Variants in PROCR observed in about 807,000 individuals in gnomAD.
PROCR encodes endothelial protein C receptor.
A neutral mutation model predicts 24.2 loss-of-function variants in PROCR; 22 were observed. The observed-to-expected ratio is 0.91, with a 90% CI of 0.65 to 1.30. The LOEUF (loss-of-function observed/expected upper bound fraction) is 1.30. Among genes scored for constraint, PROCR ranks in the 50% most tolerant of loss-of-function variants. The pLI, the probability that PROCR is intolerant of heterozygous loss-of-function variation, is 0.00. For synonymous variants in PROCR, 137 were observed against 139.2 expected, an observed-to-expected ratio of 0.98 and a Z score of 0.11; for missense variants, 288 against 307.7, an observed-to-expected ratio of 0.94 and a Z score of 0.48.
intron 1 of PROCR, among the ~76,000 whole-genome samples, chr20:35,199,944 T>C (rs1462857306): frequency 6.6e-6 from 1 of 152,126 alleles, no homozygotes; most frequent in African/African-American, 2.4e-5. Flanking sequence ...ATTCCAACCC[T>C]CATGAATGAC....
At chr20:35,194,502 T>G (rs1300657370) in intron 1 of PROCR, among the ~76,000 whole-genome samples, 2 of 152,058 alleles carry the variant, frequency 1.3e-5, no homozygotes, top group African/African-American at 4.8e-5. Flanking sequence ...GAGGTTAGAC[T>G]CCAAGGCACA....
intron 1 of PROCR, 177 bp from the exon 2 acceptor site, chr20:35,174,525 C>T (rs2085985696): frequency 1.3e-6 from 1 of 777,020 alleles, no homozygotes; most frequent in African/African-American, 1.7e-5. Flanking sequence ...AATCCCTGTC[C>T]TGTCCTCCTG....
In PROCR at chr20:35,174,754, C is replaced by G. The variant is rs756372458; in HGVS notation, c.123C>G (p.His41Gln). ...TCTCCTACTTCCGCGACCCCTATCA[C>G]GTGTGGTACCAGGGCAACGCGTCGC... ...LQISYFRDPY[H>Q]VWYQGNASLG... is the part of the protein sequence containing the mutation. The change falls in exon 2 of 4, where the codon CAC (histidine) becomes CAG (glutamine). Residue 41 changes from histidine (H) to glutamine (Q), a missense_variant. His to Gln is a conservative substitution (Grantham distance 24). Transcript: ENST00000216968. 3 of 1,614,126 alleles carry G rather than the reference C, an allele frequency of 1.9e-6. No homozygotes were observed. The East Asian group carries it at 6.7e-5, about 36-fold the overall frequency.
At chr20:35,194,017 T>C (rs1306313721) in intron 1 of PROCR, among the ~76,000 whole-genome samples, 1 of 152,098 alleles carries the variant, frequency 6.6e-6, no homozygotes, top group Admixed American at 6.6e-5. Flanking sequence ...GAGAGTGGAA[T>C]CTCAGAAGCC....
intron 2 of PROCR, among the ~76,000 whole-genome samples, chr20:35,175,331 C>A (rs572016938): frequency 6.8e-6 from 1 of 147,578 alleles, no homozygotes; most frequent in Non-Finnish European, 1.5e-5. Context: ...CACTTCACCC[C>A]CCACCCTCCA....
intron 1 of PROCR, among the ~76,000 whole-genome samples, chr20:35,190,768 G>A (rs2086166712): frequency 6.6e-6 from 1 of 152,146 alleles, no homozygotes; most frequent in Admixed American, 6.5e-5. Flanking sequence ...CCTGTTACTG[G>A]AAGTATTTGG....
intron 1 of PROCR, among the ~76,000 whole-genome samples, chr20:35,185,536 G>T (rs1280760895): frequency 6.6e-6 from 1 of 152,132 alleles, no homozygotes; most frequent in Non-Finnish European, 1.5e-5. Flanking sequence ...ATATATATAT[G>T]ATGGAGTACT....
intron 2 of PROCR, among the ~76,000 whole-genome samples, chr20:35,175,897 C>G (rs1467301443): frequency 4.7e-5 from 7 of 149,270 alleles, no homozygotes; most frequent in African/African-American, 1.2e-4. Flanking sequence ...GCCTCACCCC[C>G]TGTTTTTTTT....
chr20:35,185,384 G>C (rs879934413), intron 1 of PROCR, among the ~76,000 whole-genome samples: 1 of 152,076 alleles, frequency 6.6e-6, no homozygotes, highest in South Asian at 2.1e-4. Context: ...CCCACTACTG[G>C]GTATCTACCC....
At chr20:35,175,269 T>G (rs1043576060) in intron 2 of PROCR, among the ~76,000 whole-genome samples, 1 of 151,356 alleles carries the variant, frequency 6.6e-6, no homozygotes, top group Non-Finnish European at 1.5e-5. Flanking sequence ...CTCACAGTCC[T>G]CCAACTCCTT....
chr20:35,214,907 C>CTTTTTTT (rs71198708), intron 1 of PROCR, among the ~76,000 whole-genome samples: 59 of 119,470 alleles, frequency 4.9e-4, no homozygotes, highest in Non-Finnish European at 6.2e-4. Flanking sequence ...TTTTCTTTTT[C>CTTTTTTT]TTTTTTTTTT....
At chr20:35,199,852 A>G (rs765092890) in intron 1 of PROCR, among the ~76,000 whole-genome samples, 17 of 152,162 alleles carry the variant, frequency 1.1e-4, no homozygotes, top group Non-Finnish European at 1.9e-4. Context: ...ATGATTCACC[A>G]TTCTAAATGT....
intron 1 of PROCR, chr20:35,195,330 G>A (rs562845345): frequency 6.6e-6 from 1 of 152,234 alleles, no homozygotes; most frequent in South Asian, 2.1e-4. Flanking sequence ...CATCCTGAAT[G>A]CACCTAATCT....
At chr20:35,171,978 TAGAAATAACACTTTATA>T, upstream of PROCR, 2 of 673,908 alleles carry the variant, frequency 3.0e-6, no homozygotes, top group Non-Finnish European at 5.4e-6. Flanking sequence ...TGAGACACAG[TAGAAATAACACTTTATA>T]AGCCTCTTCC....
At position 35,205,907 on chromosome 20, in the gene PROCR, TC is replaced by T. The variant is rs550750821; in HGVS notation, c.95-9977del. Among the ~76,000 whole-genome samples, 686 of 140,216 alleles carry T rather than the reference TC, an allele frequency of 4.9e-3. 3 individuals are homozygous for T. The highest frequency in any genetic ancestry group is 0.016 in the African/African-American group (616 of 37,490). 92.0% of individuals were successfully genotyped at this position (140,216 alleles called of 152,430 possible). On this transcript the variant is annotated intron_variant, in intron 1 of 1. Transcript: ENST00000634509. ...TATATATGTGTATGACCTCCGGTGA[TC>T]CCCCCCCCAACCTCGGCCTCCCAAA...
At chr20:35,174,548 T>G in intron 1 of PROCR, 154 bp from the exon 2 acceptor site, 2 of 907,860 alleles carry the variant, frequency 2.2e-6, no homozygotes, top group Non-Finnish European at 3.5e-6. Context: ...AGAGTTACTG[T>G]CAGCGTCAAA....
chr20:35,200,680 G>T (rs770989281), intron 1 of PROCR, among the ~76,000 whole-genome samples: 6 of 151,986 alleles, frequency 3.9e-5, no homozygotes, highest in Non-Finnish European at 7.4e-5. Flanking sequence ...CGAACTCTTT[G>T]CTCTGTCGCC....
At chr20:35,198,076 A>T (rs2060305123) in intron 1 of PROCR, among the ~76,000 whole-genome samples, 1 of 151,840 alleles carries the variant, frequency 6.6e-6, no homozygotes. Flanking sequence ...CGAGGTCAGG[A>T]GATTGAGGCC....
At chr20:35,180,538 C>G (rs889350997), downstream of PROCR, among the ~76,000 whole-genome samples, 13 of 152,174 alleles carry the variant, frequency 8.5e-5, no homozygotes, top group African/African-American at 3.1e-4. Context: ...GAGCTCCCTG[C>G]CAGGGAGGCT....
Sources: allele counts gnomAD v4.1 joint callset (sites outside exome capture counted in the v4.1 genomes callset), GRCh38; gene constraint gnomAD v4.1.1; transcripts MANE v1.5; gene names NCBI Gene and HGNC (gene_info 2026-07-23, HGNC 2026-07-21).